Variants in FARS2 observed in about 807,000 individuals in gnomAD.
FARS2 encodes phenylalanine--tRNA ligase, mitochondrial.
FARS2 carries 40 observed loss-of-function variants against 46.4 expected under a neutral mutation model. The observed-to-expected ratio is 0.86, with a 90% CI of 0.67 to 1.12. The LOEUF (loss-of-function observed/expected upper bound fraction) is 1.12. FARS2 is among the 50% of genes most tolerant of loss of function. The pLI, the probability that FARS2 is intolerant of heterozygous loss-of-function variation, is 0.00. For synonymous variants in FARS2, 234 were observed against 214.9 expected (o/e 1.09, Z -0.78); for missense variants, 513 against 567.9 (o/e 0.90, Z 0.98).
intron 6 of FARS2, among the ~76,000 whole-genome samples, chr6:5,711,415 C>T (rs528269092): frequency 1.3e-5 from 2 of 152,244 alleles, no homozygotes; most frequent in Admixed American, 1.3e-4. Context: ...GTGGGCTGTA[C>T]ATAAAGGCTT....
chr6:5,351,973 C>A (rs1489090493), intron 1 of FARS2, among the ~76,000 whole-genome samples: 2 of 152,142 alleles, frequency 1.3e-5, no homozygotes, highest in Non-Finnish European at 2.9e-5. Context: ...CCAGAGTAAA[C>A]CTCTGGAAAT....
chr6:5,557,612 C>T (rs575930189), intron 5 of FARS2, among the ~76,000 whole-genome samples: 2 of 152,172 alleles, frequency 1.3e-5, no homozygotes, highest in Admixed American at 6.5e-5. Flanking sequence ...CATGGCCTAT[C>T]GAGAAAGATA....
At chr6:5,749,107 G>A (rs1761799977) in intron 6 of FARS2, among the ~76,000 whole-genome samples, 1 of 152,212 alleles carries the variant, frequency 6.6e-6, no homozygotes, top group Non-Finnish European at 1.5e-5. Context: ...TGGTCCAAAA[G>A]GGGGCTGAGC....
intron 4 of FARS2, among the ~76,000 whole-genome samples, chr6:5,530,293 G>A (rs908615707): frequency 2.0e-5 from 3 of 152,050 alleles, no homozygotes; most frequent in Non-Finnish European, 4.4e-5. Flanking sequence ...AAGCGGCCAG[G>A]ATTCTCCAAA....
chr6:5,706,295 C>T (rs1287859045), intron 6 of FARS2, among the ~76,000 whole-genome samples: 5 of 152,226 alleles, frequency 3.3e-5, no homozygotes, highest in Admixed American at 6.5e-5. Flanking sequence ...CGGACACAAA[C>T]GGGTACTGGT....
intron 6 of FARS2, among the ~76,000 whole-genome samples, chr6:5,752,544 G>A (rs1465168700): frequency 6.6e-6 from 1 of 152,164 alleles, no homozygotes; most frequent in Non-Finnish European, 1.5e-5. Flanking sequence ...AGGTCTCCCA[G>A]CCCCTGATTC....
chr6:5,255,554 T>C, the FARS2 span, among the ~76,000 whole-genome samples: 1 of 152,060 alleles, frequency 6.6e-6, no homozygotes, highest in African/African-American at 2.4e-5. Flanking sequence ...CTTTTTGGGG[T>C]CCTCAGTAAT....
intron 3 of FARS2, among the ~76,000 whole-genome samples, chr6:5,409,366 G>A (rs1381113356): frequency 6.6e-6 from 1 of 151,886 alleles, no homozygotes; most frequent in African/African-American, 2.4e-5. Context: ...CAGGAGAATC[G>A]CTTGAACCTG....
intron 5 of FARS2, among the ~76,000 whole-genome samples, chr6:5,550,646 A>G (rs1399414050): frequency 6.6e-6 from 1 of 152,140 alleles, no homozygotes; most frequent in African/African-American, 2.4e-5. Flanking sequence ...GAATTTGGGG[A>G]GTCAAATAGC....
intron 1 of FARS2, among the ~76,000 whole-genome samples, chr6:5,301,587 A>C (rs1286924867): frequency 6.6e-6 from 1 of 152,082 alleles, no homozygotes; most frequent in African/African-American, 2.4e-5. Context: ...TCAAAGCCAA[A>C]ATCATTTCTA....
At chr6:5,381,370 A>AATACACACACACACAC (rs368344271) in intron 2 of FARS2, among the ~76,000 whole-genome samples, 2 of 132,904 alleles carry the variant, frequency 1.5e-5, no homozygotes, top group Non-Finnish European at 3.1e-5. Flanking sequence ...ACTCCCCAGA[A>AATACACACACACACAC]ACACACACAC....
At chr6:5,597,556 C>A (rs1217644575) in intron 5 of FARS2, among the ~76,000 whole-genome samples, 1 of 152,198 alleles carries the variant, frequency 6.6e-6, no homozygotes, top group African/African-American at 2.4e-5. Flanking sequence ...CAGAGCCGGC[C>A]ATTTCTCCAG....
chr6:5,468,985 G>A (rs9504403), intron 4 of FARS2, among the ~76,000 whole-genome samples: 7,984 of 152,158 alleles, frequency 0.052, 534 homozygotes, highest in African/African-American at 0.15. Context: ...GTTATGTGAC[G>A]GGTAAATTTT....
intron 3 of FARS2, among the ~76,000 whole-genome samples, chr6:5,408,598 A>G (rs1431102631): frequency 6.6e-6 from 1 of 152,178 alleles, no homozygotes; most frequent in African/African-American, 2.4e-5. Flanking sequence ...TCTAACTTTT[A>G]AAAGTTGTGA....
chr6:5,517,925 A>G (rs1768909723), intron 4 of FARS2, among the ~76,000 whole-genome samples: 1 of 152,222 alleles, frequency 6.6e-6, no homozygotes, highest in Non-Finnish European at 1.5e-5. Flanking sequence ...CTGTGCTAGA[A>G]CATAACTCAT....
intron 6 of FARS2, among the ~76,000 whole-genome samples, chr6:5,616,010 T>TAAAAAAAAAAAAAAAAAAAAAAAAAAA (rs11327256): frequency 1.0e-5 from 1 of 95,838 alleles, no homozygotes; most frequent in African/African-American, 3.9e-5. Flanking sequence ...CCATAGCTCT[T>TAAAAAAAAAAAAAAAAAAAAAAAAAAA]AAAAAAAAAA....
chr6:5,381,609 C>T (rs539034922), intron 2 of FARS2, among the ~76,000 whole-genome samples: 3 of 152,188 alleles, frequency 2.0e-5, no homozygotes, highest in African/African-American at 7.2e-5. Context: ...TTCAGCAATC[C>T]TCTCTCTTTC....
chr6:5,315,703 C>T (rs911316838), intron 1 of FARS2, among the ~76,000 whole-genome samples: 4 of 55,692 alleles, frequency 7.2e-5, no homozygotes, highest in African/African-American at 1.1e-4. Flanking sequence ...ATTTCTAAAG[C>T]GTATATTGAT....
At chr6:5,671,407 AG>A (rs1778452026) in intron 6 of FARS2, among the ~76,000 whole-genome samples, 1 of 152,200 alleles carries the variant, frequency 6.6e-6, no homozygotes, top group South Asian at 2.1e-4. Context: ...GTGTAGCAAG[AG>A]GAAGTCTCAG....
Sources: gnomAD v4.1 joint callset for allele counts (sites outside exome capture counted in the v4.1 genomes callset) on GRCh38, gnomAD v4.1.1 for gene constraint, MANE v1.5 for transcripts, NCBI Gene and HGNC (gene_info 2026-07-23, HGNC 2026-07-21) for gene names.